SPATA6: variants seen among roughly 807,000 people sequenced by gnomAD.
SPATA6 encodes spermatogenesis associated 6.
In SPATA6, 56 loss-of-function variants were observed where a neutral mutation model predicts 65.3. That is an observed-to-expected ratio of 0.86 (90% confidence interval 0.69 to 1.07). The LOEUF (loss-of-function observed/expected upper bound fraction) is 1.07, where lower values mean the gene tolerates loss of function less well. Among genes scored for constraint, SPATA6 ranks in the 50% least tolerant of loss-of-function variants. The probability of loss-of-function intolerance (pLI) is 0.00; values close to 1 mark genes in which losing one functional copy is unlikely to be tolerated. For missense variants in SPATA6, 590 were observed against 594.8 expected (o/e 0.99, Z 0.08); for synonymous variants, 199 against 213.2 (o/e 0.93, Z 0.58).
chr1:48,291,881 C>T (rs1162009356), downstream of SPATA6, among the ~76,000 whole-genome samples: 1 of 152,174 alleles, frequency 6.6e-6, no homozygotes, highest in Admixed American at 6.5e-5. Flanking sequence ...GCCTCCTAGC[C>T]ACCATTTTCC....
At position 48,382,475 on chromosome 1, in the gene SPATA6, C is replaced by T. The variant is rs1570392226; in HGVS notation, c.909+2834G>A. Reference sequence around the variant, plus strand: ...CTGGGCGGGGGGCTGTCCCCCCCACCTCCCTCCCGGACGGGGCGGCTGGCC... The same window carrying T: ...CTGGGCGGGGGGCTGTCCCCCCCACTTCCCTCCCGGACGGGGCGGCTGGCC... On this transcript the variant is annotated intron_variant, in intron 9 of 12. Coordinates refer to ENST00000371847, the MANE Select transcript of SPATA6 (RefSeq NM_019073.4). 2.3e-5 allele frequency among the ~76,000 whole-genome samples: 3 copies of T among 130,482 alleles called. No individual in the cohort carries two copies. In the East Asian group the frequency reaches 7.4e-4, roughly 32 times the overall value. The allele number at this position is 130,482 out of a possible 152,430, so 85.6% of individuals were successfully genotyped here.
the SPATA6 span, among the ~76,000 whole-genome samples, chr1:48,278,469 A>G: frequency 1.9e-4 from 29 of 152,334 alleles, no homozygotes; most frequent in African/African-American, 6.7e-4. Context: ...AGAATACCCA[A>G]TACAGAGAAC....
intron 11 of SPATA6, among the ~76,000 whole-genome samples, chr1:48,339,425 G>C (rs1231621047): frequency 1.3e-5 from 2 of 151,900 alleles, no homozygotes; most frequent in Admixed American, 6.6e-5. Flanking sequence ...TGGTAAGTGA[G>C]AGTAAAAAAG....
chr1:48,433,562 T>C (rs1654604499), intron 3 of SPATA6, among the ~76,000 whole-genome samples: 1 of 152,152 alleles, frequency 6.6e-6, no homozygotes, highest in Admixed American at 6.5e-5. Flanking sequence ...CCAGAAATAT[T>C]ATAGCAAAAT....
chr1:48,405,253 G>A (rs1377443272), intron 5 of SPATA6, among the ~76,000 whole-genome samples: 2 of 152,130 alleles, frequency 1.3e-5, no homozygotes, highest in Non-Finnish European at 2.9e-5. Context: ...TTCTGCAAAC[G>A]TATCTTCATA....
intron 9 of SPATA6, among the ~76,000 whole-genome samples, chr1:48,364,259 C>G (rs1427984704): frequency 6.6e-6 from 1 of 152,192 alleles, no homozygotes; most frequent in African/African-American, 2.4e-5. Flanking sequence ...CCACAATAAA[C>G]ATACATGTGC....
At chr1:48,384,530 A>C (rs1649253136) in intron 9 of SPATA6, among the ~76,000 whole-genome samples, 1 of 152,038 alleles carries the variant, frequency 6.6e-6, no homozygotes, top group African/African-American at 2.4e-5. Context: ...AAAATGTAGG[A>C]CATGGACTAC....
chr1:48,468,146 T>C (rs1488750715), intron 1 of SPATA6, among the ~76,000 whole-genome samples: 1 of 152,192 alleles, frequency 6.6e-6, no homozygotes, highest in Non-Finnish European at 1.5e-5. Flanking sequence ...ACTCATGATA[T>C]GGAAGCAACC....
intron 10 of SPATA6, among the ~76,000 whole-genome samples, 153 bp downstream of exon 10, chr1:48,359,433 A>G (rs771527447): frequency 4.6e-5 from 7 of 152,242 alleles, no homozygotes; most frequent in Admixed American, 6.6e-5. Flanking sequence ...AACATTATCT[A>G]ATATGTAATA....
intron 3 of SPATA6, among the ~76,000 whole-genome samples, chr1:48,430,023 A>C (rs1331884739): frequency 2.0e-5 from 3 of 152,186 alleles, no homozygotes. Flanking sequence ...CAATGGACAC[A>C]CTGGGGAAAT....
At chr1:48,363,534 G>A (rs1008446410) in intron 9 of SPATA6, among the ~76,000 whole-genome samples, 8 of 152,020 alleles carry the variant, frequency 5.3e-5, no homozygotes, top group Non-Finnish European at 8.8e-5. Flanking sequence ...AAACACTAGT[G>A]GAGAGCTTGG....
At chr1:48,286,790 C>G in the SPATA6 span, among the ~76,000 whole-genome samples, 6 of 152,124 alleles carry the variant, frequency 3.9e-5, no homozygotes, top group East Asian at 1.2e-3. Context: ...AATCCCAGCA[C>G]TTTGGGGAGG....
intron 11 of SPATA6, among the ~76,000 whole-genome samples, chr1:48,341,511 T>C (rs913847746): frequency 2.0e-5 from 3 of 152,194 alleles, no homozygotes; most frequent in African/African-American, 4.8e-5. Flanking sequence ...GGTAGTATTA[T>C]AAAGCTTGCA....
chr1:48,321,236 A>AAAC (rs924607639), intron 11 of SPATA6, among the ~76,000 whole-genome samples: 15 of 152,198 alleles, frequency 9.9e-5, no homozygotes, highest in South Asian at 2.1e-4. Flanking sequence ...AATAAATTAA[A>AAAC]AACAACAACA....
intron 8 of SPATA6, among the ~76,000 whole-genome samples, chr1:48,386,944 GGGCT>G (rs1649536913): frequency 1.3e-5 from 2 of 152,210 alleles, no homozygotes; most frequent in South Asian, 4.1e-4. Flanking sequence ...ACTGGATGTA[GGGCT>G]GTATTAGTCC....
chr1:48,349,413 C>G (rs1478273936), intron 11 of SPATA6, among the ~76,000 whole-genome samples: 1 of 151,948 alleles, frequency 6.6e-6, no homozygotes, highest in Non-Finnish European at 1.5e-5. Flanking sequence ...TTATTTAGGT[C>G]AGTTAATTTA....
At chr1:48,324,464 A>G (rs1369706176) in intron 11 of SPATA6, among the ~76,000 whole-genome samples, 2 of 152,150 alleles carry the variant, frequency 1.3e-5, no homozygotes, top group African/African-American at 4.8e-5. Context: ...AGCAAATCGA[A>G]TTTGACAATA....
At chr1:48,276,078 C>T in the SPATA6 span, among the ~76,000 whole-genome samples, 1 of 152,032 alleles carries the variant, frequency 6.6e-6, no homozygotes, top group African/African-American at 2.4e-5. Context: ...TGTCTGTGTC[C>T]AGGAATTTAT....
chr1:48,436,307 T>G, intron 3 of SPATA6: 1 of 1,613,374 alleles, frequency 6.2e-7, no homozygotes, highest in South Asian at 1.1e-5. Context: ...TCCCACTTTT[T>G]CCGGCATCCC....
Sources: allele counts gnomAD v4.1 joint callset (sites outside exome capture counted in the v4.1 genomes callset), GRCh38; gene constraint gnomAD v4.1.1; transcripts MANE v1.5; gene names NCBI Gene and HGNC (gene_info 2026-07-23, HGNC 2026-07-21).